The following ALKBH8 variants were observed in gnomAD, a reference collection of about 807,000 sequenced individuals.
ALKBH8 encodes the protein alkB homolog 8, tRNA methyltransferase, also known as tRNA (carboxymethyluridine(34)-5-O)-methyltransferase ALKBH8.
ALKBH8 carries 36 observed loss-of-function variants against 59.8 expected under a neutral mutation model. The ratio of observed to expected loss-of-function variants is 0.60; its 90% CI spans 0.46 to 0.79. ALKBH8 has a LOEUF of 0.79. ALKBH8 is among the 30% of genes least tolerant of loss of function. The pLI is 0.00. For synonymous variants in ALKBH8, 276 were observed against 273.6 expected (o/e 1.01, Z -0.09); for missense variants, 768 against 801.0 (o/e 0.96, Z 0.50).
At position 107,505,021 on chromosome 11, in the gene ALKBH8, T is replaced by C; in HGVS notation, c.1632A>G (p.Gln544=). The change falls in exon 12 of 12, where the codon CAA becomes CAG. Residue 544 remains glutamine, a synonymous_variant. Coordinates refer to ENST00000428149, the MANE Select transcript of ALKBH8 (RefSeq NM_138775.3). ...AGTCTCGACTGCCCATGTCACGCAT[T>C]TGCTCCACAAGTGACCTCTGCACTG... ...DTSVQRSLVE[Q]MRDMGSRDSA... is the part of the protein sequence containing the mutation. 1 of 1,551,774 alleles carries C rather than the reference T, an allele frequency of 6.4e-7. No individual in the cohort carries two copies.
At chr11:107,557,500 G>C (rs1040666028) in intron 2 of ALKBH8, among the ~76,000 whole-genome samples, 2 of 152,154 alleles carry the variant, frequency 1.3e-5, no homozygotes, top group Non-Finnish European at 2.9e-5. Context: ...GTGGTGATTA[G>C]GGGTGGGTTT....
chr11:107,534,379 ACT>A (rs1863722602), intron 7 of ALKBH8, among the ~76,000 whole-genome samples: 1 of 152,090 alleles, frequency 6.6e-6, no homozygotes, highest in Non-Finnish European at 1.5e-5. Context: ...AGAAGACTAG[ACT>A]CTAATTTGTT....
intron 7 of ALKBH8, among the ~76,000 whole-genome samples, chr11:107,541,897 A>G (rs1864049228): frequency 6.6e-6 from 1 of 152,206 alleles, no homozygotes; most frequent in African/African-American, 2.4e-5. Flanking sequence ...CAGAAACGAT[A>G]AAAAAGAGAC....
chr11:107,504,373 C>A lies in ALKBH8; in HGVS notation c.*285G>T. The A allele has an allele frequency of 1.7e-6, 1 of 574,708 alleles. No homozygotes were observed. The highest frequency in any genetic ancestry group is 3.0e-6 in the Non-Finnish European group (1 of 328,458). The allele number at this position is 574,708 out of a possible 1,614,324, so 35.6% of individuals were successfully genotyped here. On this transcript the variant is annotated 3_prime_UTR_variant, in exon 12 of 12. Coordinates refer to ENST00000428149, the MANE Select transcript of ALKBH8 (RefSeq NM_138775.3). ...ACTAAAAAACTATTATCTTCAAAATCCTGGGCTCTTACCCAAGAATTACAA... is the reference window on the plus strand; with the variant it reads ...ACTAAAAAACTATTATCTTCAAAATACTGGGCTCTTACCCAAGAATTACAA...
At chr11:107,550,700 AAAC>A (rs1178178644) in intron 6 of ALKBH8, among the ~76,000 whole-genome samples, 1 of 152,222 alleles carries the variant, frequency 6.6e-6, no homozygotes, top group Non-Finnish European at 1.5e-5. Context: ...GTAGAAAAGA[AAAC>A]AAAACTCCAT....
chr11:107,552,522 GA>G (rs1864539587), intron 5 of ALKBH8, among the ~76,000 whole-genome samples: 1 of 152,064 alleles, frequency 6.6e-6, no homozygotes, highest in Non-Finnish European at 1.5e-5. Context: ...GAATTCACAG[GA>G]AAGGAAATAC....
rs632664 is a variant in ALKBH8, at chr11:107,534,909, G to A, written c.772-2503C>T. Among the ~76,000 whole-genome samples, 727 of 152,004 alleles carry A rather than the reference G, an allele frequency of 4.8e-3. 3 individuals are homozygous for A. Among genetic ancestry groups the A allele is most frequent in the African/African-American group, 0.015 (638 of 41,466 alleles). On this transcript the variant is annotated intron_variant, in intron 7 of 11. Coordinates refer to ENST00000428149, the MANE Select transcript of ALKBH8 (RefSeq NM_138775.3). ...GTGTAGTCCTTTACCCCTCACCCCC[G>A]CAACTTTTCCCCAAAGTCCCCAAAG... is the stretch of plus-strand genomic sequence containing the variant.
chr11:107,518,528 G>T (rs1435849766), intron 10 of ALKBH8, among the ~76,000 whole-genome samples: 1 of 152,238 alleles, frequency 6.6e-6, no homozygotes, highest in African/African-American at 2.4e-5. Flanking sequence ...GAAGGTTGTG[G>T]GTTTACTGGA....
intron 1 of ALKBH8, among the ~76,000 whole-genome samples, chr11:107,562,089 G>C (rs1864958939): frequency 6.6e-6 from 1 of 152,114 alleles, no homozygotes; most frequent in East Asian, 1.9e-4. Flanking sequence ...CTTGAGGTCA[G>C]GAGTTCAAGA....
chr11:107,519,231 A>G (rs1184288321), intron 10 of ALKBH8, among the ~76,000 whole-genome samples: 3 of 151,856 alleles, frequency 2.0e-5, no homozygotes, highest in Non-Finnish European at 4.4e-5. Context: ...TCAGCCTCCC[A>G]TGTAGCTAGG....
intron 10 of ALKBH8, among the ~76,000 whole-genome samples, chr11:107,519,958 C>T (rs879821338): frequency 5.3e-5 from 8 of 152,074 alleles, no homozygotes; most frequent in Non-Finnish European, 1.0e-4. Flanking sequence ...ATTTAATTAA[C>T]CATTGAAGTG....
In ALKBH8 at chr11:107,565,400, C is replaced by T. The variant is rs561243053; in HGVS notation, c.-7+201G>A. ...TGAGCGCCCGAACCAAACACAAACACATGCACCCTAAACACTGAGAGAACC... is the reference window on the plus strand; with the variant it reads ...TGAGCGCCCGAACCAAACACAAACATATGCACCCTAAACACTGAGAGAACC... On this transcript the variant is annotated intron_variant, in intron 1 of 11. Coordinates refer to ENST00000428149, the MANE Select transcript of ALKBH8 (RefSeq NM_138775.3). 9.1e-6 allele frequency: 6 copies of T among 657,980 alleles called. No homozygotes were observed. In the East Asian group the frequency reaches 1.6e-4, roughly 18 times the overall value. The allele number at this position is 657,980 out of a possible 1,614,324, so 40.8% of individuals were successfully genotyped here. A position where few individuals can be genotyped will look rare whatever the true frequency, so the allele number is the denominator to read the frequency against.
intron 3 of ALKBH8, among the ~76,000 whole-genome samples, chr11:107,556,226 C>G (rs1376857438): frequency 6.6e-6 from 1 of 151,486 alleles, no homozygotes; most frequent in African/African-American, 2.4e-5. Context: ...TGCAGTGAGC[C>G]GAGATTGTGC....
At chr11:107,558,050 G>C (rs773955658) in intron 2 of ALKBH8, among the ~76,000 whole-genome samples, 2 of 152,116 alleles carry the variant, frequency 1.3e-5, no homozygotes, top group Non-Finnish European at 2.9e-5. Flanking sequence ...CTGTCAGATA[G>C]TCTTAGTATT....
At chr11:107,557,101 TAAG>T (rs1443463466) in intron 2 of ALKBH8, 98 bp from the exon 3 acceptor site, 1 of 909,668 alleles carries the variant, frequency 1.1e-6, no homozygotes, top group Non-Finnish European at 1.5e-6. Context: ...AAGATGTAAT[TAAG>T]AAAAAAAAAG....
intron 2 of ALKBH8, among the ~76,000 whole-genome samples, chr11:107,558,607 G>C (rs1159797888): frequency 6.6e-6 from 1 of 152,108 alleles, no homozygotes; most frequent in Non-Finnish European, 1.5e-5. Context: ...TGAGTGTTTT[G>C]TGGGCAACTC....
At chr11:107,545,147 T>C (rs1303164353) in intron 7 of ALKBH8, among the ~76,000 whole-genome samples, 2 of 152,120 alleles carry the variant, frequency 1.3e-5, no homozygotes, top group Admixed American at 6.5e-5. Context: ...TAGGCAAATA[T>C]TGAGGGCTGA....
intron 11 of ALKBH8, among the ~76,000 whole-genome samples, chr11:107,509,977 A>C (rs1197504466): frequency 2.6e-5 from 4 of 152,292 alleles, no homozygotes; most frequent in African/African-American, 9.6e-5. Flanking sequence ...CGGATTTTTA[A>C]ATTTACTGGT....
At chr11:107,513,820 ATAAG>A (rs1207427411) in intron 10 of ALKBH8, among the ~76,000 whole-genome samples, 1 of 152,194 alleles carries the variant, frequency 6.6e-6, no homozygotes, top group African/African-American at 2.4e-5. Flanking sequence ...GTTTTCACGT[ATAAG>A]TAAGAGCTAA....
Sources: gnomAD v4.1 joint callset for allele counts (sites outside exome capture counted in the v4.1 genomes callset) on GRCh38, gnomAD v4.1.1 for gene constraint, MANE v1.5 for transcripts, NCBI Gene and HGNC (gene_info 2026-07-23, HGNC 2026-07-21) for gene names.